Variants in RALA observed in about 807,000 individuals in gnomAD.
RALA encodes the protein ras-related protein Ral-A.
A neutral mutation model predicts 24.0 loss-of-function variants in RALA; 5 were observed. The observed-to-expected ratio is 0.21, with a 90% CI of 0.11 to 0.44. The LOEUF is 0.44. Ranked by LOEUF, RALA falls within the 20% of genes least tolerant of loss-of-function variation. RALA has a pLI of 0.99. For synonymous variants in RALA, 77 were observed against 83.8 expected (o/e 0.92, Z 0.44); for missense variants, 95 against 241.2 (o/e 0.39, Z 4.01).
At chr7:39,659,653 ATTATTAATC>A (rs1381286492) in intron 1 of RALA, among the ~76,000 whole-genome samples, 1 of 152,142 alleles carries the variant, frequency 6.6e-6, no homozygotes, top group Non-Finnish European at 1.5e-5. Flanking sequence ...TTTGTGTGTT[ATTATTAATC>A]ACTGTTTTTG....
intron 4 of RALA, among the ~76,000 whole-genome samples, chr7:39,705,511 G>T (rs187103774): frequency 4.6e-5 from 7 of 151,940 alleles, no homozygotes; most frequent in African/African-American, 1.7e-4. Context: ...TGTTATACTC[G>T]TAATTTTCTT....
At chr7:39,705,153 T>C (rs1164615595) in intron 4 of RALA, among the ~76,000 whole-genome samples, 1 of 152,140 alleles carries the variant, frequency 6.6e-6, no homozygotes, top group African/African-American at 2.4e-5. Flanking sequence ...AACAAATCCA[T>C]GTATACTCCT....
Position 39,687,157 on chromosome 7 carries a change from C to T in RALA, c.114+376C>T, listed in dbSNP as rs145707353. 4.7e-3 allele frequency among the ~76,000 whole-genome samples: 712 copies of T among 152,214 alleles called. 9 individuals are homozygous for T. The highest frequency in any genetic ancestry group is 0.017 in the African/African-American group (688 of 41,520). ...AAATATCTTTTAGGCTGGGCACGCA[C>T]GGTGGCTCACGCCTAATCCCAGCAC... On this transcript the variant is annotated intron_variant, in intron 2 of 4. Coordinates refer to ENST00000005257, the MANE Select transcript of RALA (RefSeq NM_005402.4).
At chr7:39,654,765 GT>G (rs966685197) in intron 1 of RALA, among the ~76,000 whole-genome samples, 2 of 152,058 alleles carry the variant, frequency 1.3e-5, no homozygotes, top group Admixed American at 6.6e-5. Context: ...TTGTTTGTTT[GT>G]TTGAGAGAGG....
chr7:39,640,402 T>C (rs1030156883), intron 1 of RALA, among the ~76,000 whole-genome samples: 1 of 152,244 alleles, frequency 6.6e-6, no homozygotes, highest in South Asian at 2.1e-4. Context: ...TCAGCATCTT[T>C]TCATGTGCTT....
chr7:39,626,700 G>C (rs1791494232), intron 1 of RALA, among the ~76,000 whole-genome samples: 1 of 152,222 alleles, frequency 6.6e-6, no homozygotes, highest in South Asian at 2.1e-4. Flanking sequence ...TCTGGTGTTT[G>C]ATTAGTGCTT....
chr7:39,693,177 A>G (rs1043520464), intron 3 of RALA, among the ~76,000 whole-genome samples: 3 of 152,202 alleles, frequency 2.0e-5, no homozygotes, highest in Admixed American at 6.5e-5. Flanking sequence ...TCAAATGTCC[A>G]TCAATGATAG....
intron 1 of RALA, among the ~76,000 whole-genome samples, chr7:39,661,311 C>G (rs1792184823): frequency 6.6e-6 from 1 of 152,202 alleles, no homozygotes; most frequent in African/African-American, 2.4e-5. Flanking sequence ...CAAAACCAAT[C>G]ATGCCTTCCC....
At chr7:39,674,095 GA>G (rs1229566014) in intron 1 of RALA, among the ~76,000 whole-genome samples, 4 of 147,664 alleles carry the variant, frequency 2.7e-5, no homozygotes, top group African/African-American at 5.0e-5. Flanking sequence ...ATAAAAGGTT[GA>G]GGGGGGGTGG....
chr7:39,695,253 A>G (rs1053617044), intron 3 of RALA, among the ~76,000 whole-genome samples: 2 of 152,086 alleles, frequency 1.3e-5, no homozygotes. Flanking sequence ...TCTTCTATAA[A>G]ATGGTGTGGT....
intron 1 of RALA, among the ~76,000 whole-genome samples, chr7:39,659,806 C>A (rs1047397308): frequency 6.6e-6 from 1 of 152,164 alleles, no homozygotes; most frequent in Non-Finnish European, 1.5e-5. Flanking sequence ...CTCTCACTAG[C>A]GTGTTCTCTC....
At chr7:39,638,157 GGTGTGATCACAGCTCACT>G (rs1483564500) in intron 1 of RALA, among the ~76,000 whole-genome samples, 2 of 152,066 alleles carry the variant, frequency 1.3e-5, no homozygotes, top group Non-Finnish European at 2.9e-5. Flanking sequence ...GGAGTGCAAT[GGTGTGATCACAGCTCACT>G]CTAACCTCTA....
chr7:39,632,375 C>T (rs2115918293), intron 1 of RALA, among the ~76,000 whole-genome samples: 1 of 152,270 alleles, frequency 6.6e-6, no homozygotes. Flanking sequence ...AGCAGTGTAA[C>T]AATGTCTTTA....
chr7:39,662,950 G>A (rs1242343326), intron 1 of RALA, among the ~76,000 whole-genome samples: 1 of 152,238 alleles, frequency 6.6e-6, no homozygotes, highest in Non-Finnish European at 1.5e-5. Context: ...GTTTCCTGTG[G>A]CTGGAAAGGC....
At chr7:39,664,321 T>C (rs1792249135) in intron 1 of RALA, among the ~76,000 whole-genome samples, 1 of 152,210 alleles carries the variant, frequency 6.6e-6, no homozygotes, top group Admixed American at 6.5e-5. Context: ...CAAGAAGGCA[T>C]GGACAACAAG....
At chr7:39,629,062 G>A (rs1056482326) in intron 1 of RALA, among the ~76,000 whole-genome samples, 2 of 152,224 alleles carry the variant, frequency 1.3e-5, no homozygotes, top group Non-Finnish European at 1.5e-5. Context: ...TACAAATGAT[G>A]TTACAGTGAA....
chr7:39,681,978 C>G (rs1170867504), intron 1 of RALA, among the ~76,000 whole-genome samples: 1 of 152,170 alleles, frequency 6.6e-6, no homozygotes, highest in Non-Finnish European at 1.5e-5. Flanking sequence ...CTTGTTTTCT[C>G]CCATCCAGTC....
chr7:39,626,519 G>A (rs1301260406), intron 1 of RALA, among the ~76,000 whole-genome samples: 2 of 152,214 alleles, frequency 1.3e-5, no homozygotes, highest in African/African-American at 4.8e-5. Context: ...CATCAAGTGT[G>A]GCCTGGGGTT....
At chr7:39,634,486 G>T (rs958996044) in intron 1 of RALA, among the ~76,000 whole-genome samples, 2 of 152,054 alleles carry the variant, frequency 1.3e-5, no homozygotes, top group South Asian at 2.1e-4. Flanking sequence ...TCCTCTGCCT[G>T]CCCCCACCAT....
Sources: gnomAD v4.1 joint callset for allele counts (sites outside exome capture counted in the v4.1 genomes callset) on GRCh38, gnomAD v4.1.1 for gene constraint, MANE v1.5 for transcripts, NCBI Gene and HGNC (gene_info 2026-07-23, HGNC 2026-07-21) for gene names.